Variants in GYS2 observed in about 807,000 individuals in gnomAD.
The protein encoded by GYS2 is glycogen [starch] synthase, liver.
Under a neutral mutation model 85.6 loss-of-function variants are expected in GYS2, and 80 were observed. That is an observed-to-expected ratio of 0.93 (90% confidence interval 0.78 to 1.13). The LOEUF is 1.13. Among genes scored for constraint, GYS2 ranks in the 50% most tolerant of loss-of-function variants. The probability of loss-of-function intolerance (pLI) is 0.00; values close to 1 mark genes in which losing one functional copy is unlikely to be tolerated. For synonymous variants in GYS2, 328 were observed against 300.7 expected (o/e 1.09, Z -0.94); for missense variants, 881 against 854.9 (o/e 1.03, Z -0.38).
chr12:21,578,438 A>G (rs1944470648), intron 2 of GYS2, among the ~76,000 whole-genome samples: 1 of 152,186 alleles, frequency 6.6e-6, no homozygotes, highest in Non-Finnish European at 1.5e-5. Context: ...AACTTCCTGC[A>G]CCATCACTCA....
At chr12:21,584,850 C>G (rs1396803855) in intron 1 of GYS2, among the ~76,000 whole-genome samples, 1 of 152,200 alleles carries the variant, frequency 6.6e-6, no homozygotes, top group Non-Finnish European at 1.5e-5. Flanking sequence ...AGCATTGCTT[C>G]TGACCAAGCC....
At chr12:21,558,930 G>GA (rs1380402514) in intron 10 of GYS2, among the ~76,000 whole-genome samples, 161 bp downstream of exon 10, 1 of 152,010 alleles carries the variant, frequency 6.6e-6, no homozygotes, top group Non-Finnish European at 1.5e-5. Flanking sequence ...AACCACTAAT[G>GA]AAAAAATGTC....
At chr12:21,537,207 A>G in intron 15 of GYS2, 32 bp from the exon 16 acceptor site, 1 of 1,487,304 alleles carries the variant, frequency 6.7e-7, no homozygotes, top group Non-Finnish European at 9.4e-7. Context: ...CATAAACATC[A>G]CAACAGTTTC....
At chr12:21,554,119 G>T (rs912156147) in intron 11 of GYS2, among the ~76,000 whole-genome samples, 1 of 151,570 alleles carries the variant, frequency 6.6e-6, no homozygotes, top group African/African-American at 2.4e-5. Flanking sequence ...AAGGAAAGAA[G>T]AATGGAAGGA....
intron 1 of GYS2, among the ~76,000 whole-genome samples, chr12:21,601,595 A>G (rs1474196047): frequency 6.6e-6 from 1 of 152,136 alleles, no homozygotes; most frequent in African/African-American, 2.4e-5. Context: ...TCTCATCATT[A>G]GAGAGGTTTT....
chr12:21,563,811 G>C (rs987004125), intron 5 of GYS2, among the ~76,000 whole-genome samples: 4 of 152,160 alleles, frequency 2.6e-5, no homozygotes, highest in African/African-American at 9.7e-5. Flanking sequence ...CTGGTAAGTC[G>C]AAGCAGAATC....
intron 2 of GYS2, among the ~76,000 whole-genome samples, chr12:21,576,498 G>T (rs1944448578): frequency 6.6e-6 from 1 of 152,046 alleles, no homozygotes; most frequent in African/African-American, 2.4e-5. Context: ...TTTCCTGCTA[G>T]AAGAAAAAGC....
At chr12:21,599,343 G>T (rs1178000899) in intron 1 of GYS2, among the ~76,000 whole-genome samples, 1 of 152,128 alleles carries the variant, frequency 6.6e-6, no homozygotes, top group Non-Finnish European at 1.5e-5. Flanking sequence ...GAGATTAGGT[G>T]CTACTTGTGA....
chr12:21,546,668 C>A (rs1944044401), intron 11 of GYS2, among the ~76,000 whole-genome samples, 198 bp from the exon 12 acceptor site: 1 of 152,118 alleles, frequency 6.6e-6, no homozygotes, highest in African/African-American at 2.4e-5. Context: ...GTAGAAGTGT[C>A]TATGCTGCAT....
chr12:21,549,496 TG>T (rs1944081091), intron 11 of GYS2, among the ~76,000 whole-genome samples: 1 of 152,224 alleles, frequency 6.6e-6, no homozygotes, highest in African/African-American at 2.4e-5. Flanking sequence ...TAAGTGTTTC[TG>T]ATGATTCAAA....
intron 2 of GYS2, among the ~76,000 whole-genome samples, chr12:21,578,306 A>T (rs1419258523): frequency 3.3e-5 from 5 of 151,928 alleles, no homozygotes; most frequent in Non-Finnish European, 7.4e-5. Context: ...ATCTATTCCA[A>T]TGCAATGGCC....
At chr12:21,553,965 A>G (rs1270241197) in intron 11 of GYS2, among the ~76,000 whole-genome samples, 1 of 152,204 alleles carries the variant, frequency 6.6e-6, no homozygotes, top group Non-Finnish European at 1.5e-5. Flanking sequence ...CCATTAACTG[A>G]AAAGCCATGT....
In GYS2 at chr12:21,574,205, G is replaced by A; in HGVS notation, c.617C>T (p.Ala206Val). The change falls in exon 4 of 16, where the codon GCT becomes GTT. Residue 206 changes from alanine to valine, a missense_variant. Coordinates refer to ENST00000261195, the MANE Select transcript of GYS2 (RefSeq NM_021957.4). ...LPIATIFTTHATLLGRYLCAA... is the reference protein window; with the variant it reads ...LPIATIFTTHVTLLGRYLCAA... ...ACAGAGATACCTCCCAAGTAGTGTAGCGTGGGTTGTAAATATTGTGGCAAT... is the reference window on the plus strand; with the variant it reads ...ACAGAGATACCTCCCAAGTAGTGTAACGTGGGTTGTAAATATTGTGGCAAT... 1.9e-6 allele frequency: 3 copies of A among 1,612,676 alleles called. No individual in the cohort carries two copies. The highest frequency in any genetic ancestry group is 1.7e-6 in the Non-Finnish European group (2 of 1,178,638).
At chr12:21,589,769 G>A (rs1345711091) in intron 1 of GYS2, among the ~76,000 whole-genome samples, 3 of 152,082 alleles carry the variant, frequency 2.0e-5, no homozygotes, top group Non-Finnish European at 2.9e-5. Flanking sequence ...ATAAGGAACT[G>A]CCCAGCAATC....
intron 11 of GYS2, among the ~76,000 whole-genome samples, chr12:21,556,552 T>A (rs1224688102): frequency 1.3e-5 from 2 of 152,354 alleles, no homozygotes; most frequent in East Asian, 3.9e-4. Flanking sequence ...TCCTTCAAGG[T>A]TGCCCTCATA....
intron 1 of GYS2, among the ~76,000 whole-genome samples, chr12:21,595,453 G>A (rs1236209642): frequency 6.6e-6 from 1 of 152,228 alleles, no homozygotes; most frequent in Non-Finnish European, 1.5e-5. Flanking sequence ...CTGGAGTTGA[G>A]TTAACTTAGA....
In GYS2 at chr12:21,604,835, C is replaced by T; in HGVS notation, c.-243G>A. 1 of 1,270,250 alleles carries T rather than the reference C, an allele frequency of 7.9e-7. No individual in the cohort carries two copies. The allele number at this position is 1,270,250 out of a possible 1,614,324, so 78.7% of individuals were successfully genotyped here. A position where few individuals can be genotyped will look rare whatever the true frequency, so the allele number is the denominator to read the frequency against. ...CAGGTATTGTGAGGACGGTATCTGC[C>T]CTGTCAGTATCTACCCAAACAATCC... On this transcript the variant is annotated 5_prime_UTR_variant, in exon 1 of 16. Transcript: ENST00000261195.
rs1364601438 is a variant in GYS2 at position 21,591,821 on chromosome 12, G to A, written c.122-11298C>T. Among the ~76,000 whole-genome samples, 12 of 152,026 alleles carry A rather than the reference G, an allele frequency of 7.9e-5. No individual in the cohort carries two copies. In the East Asian group the frequency reaches 2.1e-3, roughly 27 times the overall value. On this transcript the variant is annotated intron_variant, in intron 1 of 15. Transcript: ENST00000261195. Reference sequence around the variant, plus strand: ...TCTCAGCAGAAACCTCACAGGCCAGGAGAAGATGGGATGATATATTCAAAA... The same window carrying A: ...TCTCAGCAGAAACCTCACAGGCCAGAAGAAGATGGGATGATATATTCAAAA...
At chr12:21,555,934 A>G (rs551369787) in intron 11 of GYS2, among the ~76,000 whole-genome samples, 44 of 152,338 alleles carry the variant, frequency 2.9e-4, no homozygotes, top group African/African-American at 1.0e-3. Flanking sequence ...GTGCATGTGG[A>G]TATGTTTGAT....
Sources: allele counts gnomAD v4.1 joint callset (sites outside exome capture counted in the v4.1 genomes callset), GRCh38; gene constraint gnomAD v4.1.1; transcripts MANE v1.5; gene names NCBI Gene and HGNC (gene_info 2026-07-23, HGNC 2026-07-21).